Variants in PRR29 observed in about 807,000 individuals in gnomAD.
PRR29 encodes proline rich 29, also known as proline-rich protein 29.
In PRR29, 20 loss-of-function variants were observed where a neutral mutation model predicts 25.1. The ratio of observed to expected loss-of-function variants is 0.80; its 90% CI spans 0.56 to 1.16. The LOEUF is 1.16. Among genes scored for constraint, PRR29 ranks in the 50% most tolerant of loss-of-function variants. The pLI is 0.00. For synonymous variants in PRR29, 108 were observed against 102.6 expected, an observed-to-expected ratio of 1.05 and a Z score of -0.32; for missense variants, 238 against 246.6, an observed-to-expected ratio of 0.97 and a Z score of 0.23.
At chr17:64,000,956 A>G (rs1003128064) in intron 3 of PRR29, 128 bp from the exon 4 acceptor site, 44 of 822,056 alleles carry the variant, frequency 5.4e-5, no homozygotes, top group Non-Finnish European at 8.0e-5. Flanking sequence ...GTGAGCCACC[A>G]TGCCTGGCCA....
At position 64,001,903 on chromosome 17, in the gene PRR29, T is replaced by C; in HGVS notation, c.*142T>C. ...CTCCCTCAACCTCAGCCAGGCCCTC[T>C]TCTCCTGGGGAAATCAGTCCCTGCC... On this transcript the variant is annotated 3_prime_UTR_variant, in exon 6 of 6. Transcript: ENST00000412177. 6.5e-7 allele frequency: 1 copy of C among 1,535,970 alleles called. No individual in the cohort carries two copies. The highest frequency in any genetic ancestry group is 8.7e-7 in the Non-Finnish European group (1 of 1,146,654).
chr17:63,999,327 C>G (rs1401856116), intron 3 of PRR29: 1 of 559,318 alleles, frequency 1.8e-6, no homozygotes, highest in Non-Finnish European at 3.2e-6. Flanking sequence ...GCCTCCCCCA[C>G]TGGACTTAAG....
rs1420068475 is a variant in PRR29 at position 64,001,423 on chromosome 17, C to A, written c.471-44C>A. ...CTTGTGGGTGAAACTCCAGAGGCCA[C>A]CCCTGGGCCTCTGATGGGGGTCTTT... On this transcript the variant is annotated intron_variant, in intron 4 of 5. Transcript: ENST00000412177. 4 of 1,488,924 alleles carry A rather than the reference C, an allele frequency of 2.7e-6. No homozygotes were observed. The South Asian group carries it at 3.7e-5, about 14-fold the overall frequency. The allele number at this position is 1,488,924 out of a possible 1,614,324, so 92.2% of individuals were successfully genotyped here.
chr17:64,003,938 G>GGCTC lies in PRR29; in HGVS notation c.*2177_*2178insGCTC. 1 of 1,613,540 alleles carries GGCTC rather than the reference G, an allele frequency of 6.2e-7. No homozygotes were observed. The highest frequency in any genetic ancestry group is 8.5e-7 in the Non-Finnish European group (1 of 1,179,754). ...CCCACAGCCACCAAAGTGGGTTGCA[G>GGCTC]TGTCAGGATGACCTGCCTTGGAGGC... is the stretch of plus-strand genomic sequence containing the variant. On this transcript the variant is annotated 3_prime_UTR_variant, in exon 6 of 6. Coordinates refer to ENST00000412177, the MANE Select transcript of PRR29 (RefSeq NM_001164257.2).
chr17:63,999,271 A>G (rs547297649), intron 3 of PRR29, 197 bp downstream of exon 3: 1 of 593,554 alleles, frequency 1.7e-6, no homozygotes, highest in Admixed American at 3.0e-5. Context: ...GACCCCCCAA[A>G]GTCCAGACCA....
chr17:64,003,893 A>G lies in PRR29; in HGVS notation c.*2132A>G. Reference sequence around the variant, plus strand: ...AGGGGCTCCACGGTGGGCACCCTGCACTCAATGGTGAAGGACTTGCCCACA... The same window carrying G: ...AGGGGCTCCACGGTGGGCACCCTGCGCTCAATGGTGAAGGACTTGCCCACA... On this transcript the variant is annotated 3_prime_UTR_variant, in exon 6 of 6. Coordinates refer to ENST00000412177, the MANE Select transcript of PRR29 (RefSeq NM_001164257.2). The G allele has an allele frequency of 6.2e-7, 1 of 1,614,140 alleles. No homozygotes were observed. The highest frequency in any genetic ancestry group is 1.7e-5 in the Admixed American group (1 of 60,020).
chr17:63,998,946 C>T (rs1335417831), intron 2 of PRR29, 22 bp from the exon 3 acceptor site: 2 of 1,534,772 alleles, frequency 1.3e-6, no homozygotes, highest in Admixed American at 2.0e-5. Flanking sequence ...CCGGCGTGGG[C>T]TTGCTGAACC....
In PRR29 at chr17:64,003,923, C is replaced by G. The variant is rs1328506081; in HGVS notation, c.*2162C>G. 1 of 1,613,994 alleles carries G rather than the reference C, an allele frequency of 6.2e-7. No homozygotes were observed. Among genetic ancestry groups the G allele is most frequent in the Admixed American group, 1.7e-5 (1 of 60,002 alleles). On this transcript the variant is annotated 3_prime_UTR_variant, in exon 6 of 6. Transcript: ENST00000412177. ...ATGGTGAAGGACTTGCCCACAGCCA[C>G]CAAAGTGGGTTGCAGTGTCAGGATG...
chr17:63,998,659 C>T (rs1910299361), intron 1 of PRR29, 48 bp from the exon 2 acceptor site: 2 of 1,102,806 alleles, frequency 1.8e-6, no homozygotes, highest in Non-Finnish European at 1.3e-6. Flanking sequence ...CGACGTGTCC[C>T]CATCCATTCC....
chr17:63,998,944 G>A, intron 2 of PRR29, 24 bp from the exon 3 acceptor site: 12 of 1,534,552 alleles, frequency 7.8e-6, no homozygotes, highest in Non-Finnish European at 1.0e-5. Context: ...GCCCGGCGTG[G>A]GCTTGCTGAA....
At chr17:63,998,673 C>T (rs538771653) in intron 1 of PRR29, 34 bp from the exon 2 acceptor site, 1 of 1,245,322 alleles carries the variant, frequency 8.0e-7, no homozygotes, top group South Asian at 1.3e-5. Flanking sequence ...CCATTCCCCC[C>T]ACCCCACCTG....
At chr17:63,999,407 C>T (rs1910416895) in intron 3 of PRR29, 1 of 409,334 alleles carries the variant, frequency 2.4e-6, no homozygotes, top group Admixed American at 4.1e-5. Context: ...GTGCCTGACA[C>T]CGTGTAGGGG....
rs960206605 is a variant in PRR29, at chr17:64,003,177, G to T, written c.*1416G>T. The T allele has an allele frequency of 9.7e-6, 5 of 516,026 alleles. No individual in the cohort carries two copies. Among genetic ancestry groups the T allele is most frequent in the Non-Finnish European group, 1.7e-5 (5 of 286,234 alleles). The allele number at this position is 516,026 out of a possible 1,614,324, so 32.0% of individuals were successfully genotyped here. The stretch of plus-strand genomic sequence containing the variant: ...TGGCTGTGAGGGCAGATGTCCCCTT[G>T]TCAGCAGCCATGGGACCAGTGTGTA... On this transcript the variant is annotated 3_prime_UTR_variant, in exon 6 of 6. Transcript: ENST00000412177.
At chr17:63,998,914 A>G in intron 2 of PRR29, 54 bp from the exon 3 acceptor site, 3 of 1,482,786 alleles carry the variant, frequency 2.0e-6, no homozygotes, top group Non-Finnish European at 2.7e-6. Flanking sequence ...CAGGGGTGTC[A>G]GGGGGAGGGG....
At position 64,003,610 on chromosome 17, in the gene PRR29, T is replaced by G; in HGVS notation, c.*1849T>G. The G allele has an allele frequency of 6.3e-7, 1 of 1,581,148 alleles. No individual in the cohort carries two copies. Among genetic ancestry groups the G allele is most frequent in the Non-Finnish European group, 8.6e-7 (1 of 1,159,476 alleles). On this transcript the variant is annotated 3_prime_UTR_variant, in exon 6 of 6. Transcript: ENST00000412177. ...CCCCCGAGGGGCTGAAAGTGACTTATCACTCCCAACTCCATCCACGGATCC... is the reference window on the plus strand; with the variant it reads ...CCCCCGAGGGGCTGAAAGTGACTTAGCACTCCCAACTCCATCCACGGATCC...
chr17:63,998,603 C>A, intron 1 of PRR29, 104 bp from the exon 2 acceptor site: 7 of 1,040,824 alleles, frequency 6.7e-6, no homozygotes, highest in Non-Finnish European at 6.9e-6. Context: ...GAGAACCTGG[C>A]CCCTGCGGGG....
At position 63,998,797 on chromosome 17, in the gene PRR29, T is replaced by TGGGGCCCCCCCCC; in HGVS notation, c.136+15_136+16insGGGGCCCCCCCCC. On this transcript the variant is annotated intron_variant, in intron 2 of 5. Transcript: ENST00000412177. ...CGTGAAGGAAGGTGAGACTCCCGGG[T>TGGGGCCCCCCCCC]CCCCCCACCCCACCCCCACCATCAC... 1 of 1,062,606 alleles carries TGGGGCCCCCCCCC rather than the reference T, an allele frequency of 9.4e-7. No homozygotes were observed. Among genetic ancestry groups the TGGGGCCCCCCCCC allele is most frequent in the Non-Finnish European group, 1.3e-6 (1 of 761,704 alleles). 65.8% of individuals were successfully genotyped at this position (1,062,606 alleles called of 1,614,324 possible). A position where few individuals can be genotyped will look rare whatever the true frequency, so the allele number is the denominator to read the frequency against.
Position 64,004,147 on chromosome 17 carries a change from T to C in PRR29, c.*2386T>C. On this transcript the variant is annotated 3_prime_UTR_variant, in exon 6 of 6. Coordinates refer to ENST00000412177, the MANE Select transcript of PRR29 (RefSeq NM_001164257.2). ...GGATGGAGGCTGGACTGTGTGGTAG[T>C]TTTACAGACATGATGGTTTCCGGTG... 1 of 576,858 alleles carries C rather than the reference T, an allele frequency of 1.7e-6. No homozygotes were observed. The highest frequency in any genetic ancestry group is 3.1e-6 in the Non-Finnish European group (1 of 324,730). 35.7% of individuals were successfully genotyped at this position (576,858 alleles called of 1,614,324 possible). A position where few individuals can be genotyped will look rare whatever the true frequency, so the allele number is the denominator to read the frequency against.
Position 64,002,827 on chromosome 17 carries a change from G to A in PRR29, c.*1066G>A, listed in dbSNP as rs1357586113. On this transcript the variant is annotated 3_prime_UTR_variant, in exon 6 of 6. Coordinates refer to ENST00000412177, the MANE Select transcript of PRR29 (RefSeq NM_001164257.2). ...CCCATCCGCTGCTGGCGCAAGTGCT[G>A]GCCGAAGATGAAGCAGAGCAGGACA... 1.2e-6 allele frequency: 2 copies of A among 1,613,950 alleles called. No individual in the cohort carries two copies. The highest frequency in any genetic ancestry group is 1.7e-6 in the Non-Finnish European group (2 of 1,180,000).
Sources: allele counts gnomAD v4.1 joint callset, GRCh38; gene constraint gnomAD v4.1.1; transcripts MANE v1.5; gene names NCBI Gene and HGNC (gene_info 2026-07-23, HGNC 2026-07-21).